The following IGF2BP1 variants were observed in gnomAD, a reference collection of about 807,000 sequenced individuals.
IGF2BP1 encodes the protein insulin-like growth factor 2 mRNA-binding protein 1.
A neutral mutation model predicts 74.9 loss-of-function variants in IGF2BP1; 11 were observed. The observed-to-expected ratio is 0.15, with a 90% CI of 0.09 to 0.24. IGF2BP1 has a LOEUF of 0.24. IGF2BP1 is among the 10% of genes least tolerant of loss of function. The pLI is 1.00. For missense variants in IGF2BP1, 440 were observed against 757.4 expected (o/e 0.58, Z 4.92); for synonymous variants, 287 against 281.8 (o/e 1.02, Z -0.18).
chr17:49,035,780 GC>G (rs985617911), intron 5 of IGF2BP1, among the ~76,000 whole-genome samples: 97 of 152,266 alleles, frequency 6.4e-4, no homozygotes, highest in African/African-American at 2.2e-3. Context: ...ACCCGGGCCC[GC>G]CCCCCACCAC....
chr17:49,003,298 G>C (rs539740357), intron 2 of IGF2BP1, among the ~76,000 whole-genome samples: 74 of 152,272 alleles, frequency 4.9e-4, no homozygotes, highest in African/African-American at 1.7e-3. Context: ...TACTTTTTAA[G>C]AGTGTATTTA....
intron 2 of IGF2BP1, among the ~76,000 whole-genome samples, chr17:49,011,580 T>C (rs961290782): frequency 1.3e-5 from 2 of 152,060 alleles, no homozygotes; most frequent in Non-Finnish European, 2.9e-5. Flanking sequence ...AGGTGTGAAC[T>C]CTGGAGGTTG....
At chr17:49,009,936 C>A (rs538325607) in intron 2 of IGF2BP1, among the ~76,000 whole-genome samples, 13 of 151,778 alleles carry the variant, frequency 8.6e-5, no homozygotes, top group Non-Finnish European at 1.9e-4. Flanking sequence ...AAAAATTAGT[C>A]GGGCGTGGTG....
intron 8 of IGF2BP1, 84 bp from the exon 9 acceptor site, chr17:49,042,158 C>T: frequency 6.4e-7 from 1 of 1,564,498 alleles, no homozygotes; most frequent in Non-Finnish European, 8.7e-7. Context: ...GGGCCTGTGA[C>T]TCAGCTGGCC....
At chr17:49,002,398 C>T (rs755463576) in intron 2 of IGF2BP1, among the ~76,000 whole-genome samples, 13 of 151,928 alleles carry the variant, frequency 8.6e-5, no homozygotes, top group Admixed American at 2.6e-4. Flanking sequence ...TTCAAAACAA[C>T]CTAAAAATTG....
chr17:49,046,432 A>G, intron 14 of IGF2BP1, 59 bp downstream of exon 14: 1 of 1,301,060 alleles, frequency 7.7e-7, no homozygotes, highest in Non-Finnish European at 1.1e-6. Flanking sequence ...GCAGAGAAGC[A>G]GAGACTCTAT....
At chr17:49,016,166 C>A (rs2041698987) in intron 2 of IGF2BP1, among the ~76,000 whole-genome samples, 1 of 152,218 alleles carries the variant, frequency 6.6e-6, no homozygotes, top group Admixed American at 6.5e-5. Flanking sequence ...CACTTGTCTT[C>A]AGAAAGAAAG....
intron 2 of IGF2BP1, among the ~76,000 whole-genome samples, chr17:49,001,375 T>G (rs1417035507): frequency 6.6e-6 from 1 of 152,014 alleles, no homozygotes; most frequent in Non-Finnish European, 1.5e-5. Context: ...TTATGAACTC[T>G]TCTTGAGGCA....
chr17:49,044,257 C>T (rs527562139), intron 11 of IGF2BP1, among the ~76,000 whole-genome samples, 171 bp downstream of exon 11: 1 of 152,140 alleles, frequency 6.6e-6, no homozygotes, highest in South Asian at 2.1e-4. Flanking sequence ...TGCTTGGTCC[C>T]CATGGGATGG....
chr17:49,046,125 C>G, intron 13 of IGF2BP1, 104 bp downstream of exon 13: 2 of 1,488,012 alleles, frequency 1.3e-6, no homozygotes, highest in Non-Finnish European at 1.8e-6. Context: ...CTGATTTGCT[C>G]ATTTACTTGA....
Position 49,038,220 on chromosome 17 carries a change from T to G in IGF2BP1, c.454T>G (p.Ser152Ala). ...HQLENHALKVSYIPDEQIAQG... is the reference protein window; with the variant it reads ...HQLENHALKVAYIPDEQIAQG... ...GTTGGAGAACCATGCCCTGAAGGTC[T>G]CCTACATCCCCGATGAGCAGATAGC... Residue 152 changes from serine (S) to alanine (A), a missense_variant, in exon 6 of 15, where the codon TCC (serine) becomes GCC (alanine). Ser to Ala is a moderately conservative substitution (Grantham distance 99). Transcript: ENST00000290341. The G allele has an allele frequency of 6.4e-7, 1 of 1,556,028 alleles. No homozygotes were observed. The highest frequency in any genetic ancestry group is 8.7e-7 in the Non-Finnish European group (1 of 1,148,658).
chr17:49,009,772 A>G (rs1019939359), intron 2 of IGF2BP1, among the ~76,000 whole-genome samples: 3 of 151,880 alleles, frequency 2.0e-5, no homozygotes, highest in Non-Finnish European at 4.4e-5. Context: ...AACCATTTTA[A>G]GTATATAGTT....
At chr17:49,010,700 T>C (rs1339448601) in intron 2 of IGF2BP1, among the ~76,000 whole-genome samples, 2 of 152,020 alleles carry the variant, frequency 1.3e-5, no homozygotes, top group Admixed American at 6.6e-5. Context: ...GGTGGGGAAG[T>C]GAGACATAGA....
At chr17:49,036,472 AT>A (rs2041989713) in intron 5 of IGF2BP1, 1 of 151,946 alleles carries the variant, frequency 6.6e-6, no homozygotes, top group African/African-American at 2.4e-5. Flanking sequence ...AAAATAAAAA[AT>A]AATAAAAAAA....
At chr17:49,009,427 A>C (rs559346928) in intron 2 of IGF2BP1, among the ~76,000 whole-genome samples, 96 of 151,966 alleles carry the variant, frequency 6.3e-4, no homozygotes, top group African/African-American at 2.2e-3. Flanking sequence ...AATTATTTTT[A>C]GGCTGGGCGC....
intron 2 of IGF2BP1, among the ~76,000 whole-genome samples, chr17:49,018,966 G>A (rs1335814417): frequency 1.4e-4 from 21 of 152,084 alleles, no homozygotes; most frequent in Admixed American, 1.4e-3. Flanking sequence ...CTCATGACAG[G>A]GGCCCTAGGG....
intron 2 of IGF2BP1, among the ~76,000 whole-genome samples, chr17:49,022,356 G>C (rs899076545): frequency 1.3e-5 from 2 of 152,294 alleles, no homozygotes; most frequent in South Asian, 2.1e-4. Context: ...AATAGAAACC[G>C]GGCCAAGGGC....
At chr17:49,039,439 A>AT in intron 6 of IGF2BP1, among the ~76,000 whole-genome samples, 1 of 151,084 alleles carries the variant, frequency 6.6e-6, no homozygotes, top group Admixed American at 6.6e-5. Context: ...TTTTTATTTT[A>AT]TTTTTTGAGG....
intron 12 of IGF2BP1, 139 bp from the exon 13 acceptor site, chr17:49,045,751 C>A: frequency 1.2e-6 from 1 of 802,310 alleles, no homozygotes; most frequent in Non-Finnish European, 1.9e-6. Context: ...TTGCCCTTCA[C>A]CTGCCTTAGA....
Sources: allele counts gnomAD v4.1 joint callset (sites outside exome capture counted in the v4.1 genomes callset), GRCh38; gene constraint gnomAD v4.1.1; transcripts MANE v1.5; gene names NCBI Gene and HGNC (gene_info 2026-07-23, HGNC 2026-07-21).